Variants in SSX2IP observed in about 807,000 individuals in gnomAD.
SSX2IP encodes the protein SSX family member 2 interacting protein.
In SSX2IP, 55 loss-of-function variants were observed where a neutral mutation model predicts 84.9. The ratio of observed to expected loss-of-function variants is 0.65; its 90% CI spans 0.52 to 0.81. SSX2IP has a LOEUF of 0.81. Among genes scored for constraint, SSX2IP ranks in the 30% least tolerant of loss-of-function variants. The pLI, the probability that SSX2IP is intolerant of heterozygous loss-of-function variation, is 0.00. For missense variants in SSX2IP, 664 were observed against 705.2 expected, an observed-to-expected ratio of 0.94 and a Z score of 0.66; for synonymous variants, 239 against 234.7, an observed-to-expected ratio of 1.02 and a Z score of -0.17.
chr1:84,677,043 A>G (rs1451570043), intron 1 of SSX2IP, among the ~76,000 whole-genome samples: 2 of 152,086 alleles, frequency 1.3e-5, no homozygotes, highest in Non-Finnish European at 2.9e-5. Context: ...TTCTATCACT[A>G]TTCAACCTTT....
Position 84,655,036 on chromosome 1 carries a change from A to G in SSX2IP, c.1389+796T>C, listed in dbSNP as rs574768474. 3.3e-5 allele frequency among the ~76,000 whole-genome samples: 5 copies of G among 152,220 alleles called. No homozygotes were observed. The South Asian group carries it at 6.2e-4, about 19-fold the overall frequency. Reference sequence around the variant, plus strand: ...GCAAAAAAAAGGCAAGCAGACGAACAAGAGGAACAATATTATGAAGACATG... The same window carrying G: ...GCAAAAAAAAGGCAAGCAGACGAACGAGAGGAACAATATTATGAAGACATG... On this transcript the variant is annotated intron_variant, in intron 11 of 13. Transcript: ENST00000342203.
chr1:84,674,874 T>C (rs988179489), intron 1 of SSX2IP, among the ~76,000 whole-genome samples: 3 of 152,194 alleles, frequency 2.0e-5, no homozygotes, highest in Non-Finnish European at 4.4e-5. Context: ...AGACTTGCGA[T>C]ATAAGAAAAG....
intron 3 of SSX2IP, 194 bp from the exon 4 acceptor site, chr1:84,670,087 A>C: frequency 2.0e-6 from 1 of 512,078 alleles, no homozygotes; most frequent in Non-Finnish European, 3.5e-6. Flanking sequence ...AAATGATATA[A>C]GTATGGGAGG....
At chr1:84,657,439 A>T (rs1347429739) in intron 9 of SSX2IP, among the ~76,000 whole-genome samples, 1 of 152,200 alleles carries the variant, frequency 6.6e-6, no homozygotes, top group Non-Finnish European at 1.5e-5. Context: ...TGCATTAAAC[A>T]TCTATTATTT....
intron 9 of SSX2IP, among the ~76,000 whole-genome samples, chr1:84,656,709 C>T (rs997998899): frequency 3.3e-5 from 5 of 152,086 alleles, no homozygotes; most frequent in African/African-American, 1.2e-4. Context: ...AGCAAAGCAA[C>T]TACAGGAGTT....
chr1:84,655,052 T>C (rs1240134167), intron 11 of SSX2IP, among the ~76,000 whole-genome samples: 1 of 151,998 alleles, frequency 6.6e-6, no homozygotes, highest in East Asian at 1.9e-4. Flanking sequence ...AACAATATTA[T>C]GAAGACATGA....
chr1:84,687,761 T>C (rs1241847241), intron 1 of SSX2IP, among the ~76,000 whole-genome samples: 1 of 152,206 alleles, frequency 6.6e-6, no homozygotes, highest in African/African-American at 2.4e-5. Context: ...TAAAACCTTC[T>C]GAAGGTTCCC....
intron 1 of SSX2IP, among the ~76,000 whole-genome samples, chr1:84,683,050 T>C (rs1010312678): frequency 1.3e-5 from 2 of 152,094 alleles, no homozygotes; most frequent in Non-Finnish European, 2.9e-5. Context: ...AGCTGGAACA[T>C]GACAAAGCCA....
At position 84,646,742 on chromosome 1, in the gene SSX2IP, T is replaced by A. The variant is rs1396566518; in HGVS notation, c.*691A>T. On this transcript the variant is annotated 3_prime_UTR_variant, in exon 14 of 14. Transcript: ENST00000342203. ...TAGTAGTGTTGATTATCTAAAGAAC[T>A]CAGCTTCATGGAATACCTTTCAATA... The A allele has an allele frequency of 6.5e-6, 1 of 152,694 alleles. No homozygotes were observed. Among genetic ancestry groups the A allele is most frequent in the East Asian group, 1.9e-4 (1 of 5,186 alleles). The allele number at this position is 152,694 out of a possible 1,614,324, so 9.5% of individuals were successfully genotyped here.
rs138917922 is a variant in SSX2IP at position 84,647,808 on chromosome 1, G to T, written c.1671-201C>A. 3.3e-5 allele frequency among the ~76,000 whole-genome samples: 5 copies of T among 152,044 alleles called. No individual in the cohort carries two copies. The East Asian group carries it at 9.7e-4, about 30-fold the overall frequency. On this transcript the variant is annotated intron_variant, in intron 13 of 13. Transcript: ENST00000342203. ...CACTTGTAATCCTAGCACTTTGGGA[G>T]GCTGAGGCAGCCGAACTGCTTGAGC...
chr1:84,685,061 C>T (rs1655597725), intron 1 of SSX2IP, among the ~76,000 whole-genome samples: 1 of 152,170 alleles, frequency 6.6e-6, no homozygotes, highest in Admixed American at 6.5e-5. Context: ...ACAAACGTGT[C>T]ATGAGCCAAG....
intron 1 of SSX2IP, among the ~76,000 whole-genome samples, chr1:84,688,881 A>G (rs1015494784): frequency 6.6e-6 from 1 of 152,204 alleles, no homozygotes; most frequent in Non-Finnish European, 1.5e-5. Flanking sequence ...GAAGGGAAGG[A>G]AGAGTACAAA....
chr1:84,646,391 T>C lies in SSX2IP; in HGVS notation c.*1042A>G, dbSNP rs1649463481. 1 of 152,734 alleles carries C rather than the reference T, an allele frequency of 6.5e-6. No homozygotes were observed. Among genetic ancestry groups the C allele is most frequent in the Non-Finnish European group, 1.5e-5 (1 of 68,026 alleles). The allele number at this position is 152,734 out of a possible 1,614,324, so 9.5% of individuals were successfully genotyped here. ...CAGAGTATCATCTCAATTATAAAAT[T>C]TGATGGTTTTATATTATCATATTTC... is the stretch of plus-strand genomic sequence containing the variant. On this transcript the variant is annotated 3_prime_UTR_variant, in exon 14 of 14. Transcript: ENST00000342203.
chr1:84,689,956 C>T (rs1024938009), intron 1 of SSX2IP, among the ~76,000 whole-genome samples: 2 of 152,144 alleles, frequency 1.3e-5, no homozygotes, highest in Non-Finnish European at 1.5e-5. Context: ...ACCCCGCATG[C>T]CCCACGGCCG....
intron 11 of SSX2IP, 109 bp downstream of exon 11, chr1:84,655,723 T>C (rs1219294213): frequency 1.4e-6 from 2 of 1,431,038 alleles, no homozygotes; most frequent in Non-Finnish European, 1.9e-6. Context: ...CACCAGTAAA[T>C]ATTTTAGAAA....
rs1437909069 is a variant in SSX2IP, at chr1:84,645,357, C to T, written c.*2076G>A. 6.6e-6 allele frequency: 1 copy of T among 152,160 alleles called. No individual in the cohort carries two copies. Among genetic ancestry groups the T allele is most frequent in the African/African-American group, 2.4e-5 (1 of 41,448 alleles). The allele number at this position is 152,160 out of a possible 1,614,324, so 9.4% of individuals were successfully genotyped here. ...TGATGTTGTTAGGTAAAATGTACAACTTCTGGATCTATGCAGACATTGAAG... is the reference window on the plus strand; with the variant it reads ...TGATGTTGTTAGGTAAAATGTACAATTTCTGGATCTATGCAGACATTGAAG... On this transcript the variant is annotated 3_prime_UTR_variant, in exon 14 of 14. Transcript: ENST00000342203.
intron 8 of SSX2IP, among the ~76,000 whole-genome samples, chr1:84,660,253 T>C (rs879297933): frequency 1.3e-5 from 2 of 152,156 alleles, no homozygotes; most frequent in Admixed American, 1.3e-4. Flanking sequence ...CTTAAACATG[T>C]GAATTATGAA....
intron 1 of SSX2IP, among the ~76,000 whole-genome samples, chr1:84,689,771 T>G (rs1259324207): frequency 6.6e-6 from 1 of 152,216 alleles, no homozygotes; most frequent in Non-Finnish European, 1.5e-5. Flanking sequence ...ACCAAAGTAT[T>G]TTCATGATAA....
intron 1 of SSX2IP, among the ~76,000 whole-genome samples, chr1:84,678,206 G>A (rs897918189): frequency 1.3e-5 from 2 of 152,016 alleles, no homozygotes; most frequent in Non-Finnish European, 2.9e-5. Context: ...ATGTCTTCCC[G>A]ACTAGTTTAT....
Sources: gnomAD v4.1 joint callset for allele counts (sites outside exome capture counted in the v4.1 genomes callset) on GRCh38, gnomAD v4.1.1 for gene constraint, MANE v1.5 for transcripts, NCBI Gene and HGNC (gene_info 2026-07-23, HGNC 2026-07-21) for gene names.